The following ITPRID1 variants were observed in gnomAD, a reference collection of about 807,000 sequenced individuals.
ITPRID1 encodes protein ITPRID1.
In ITPRID1, 96 loss-of-function variants were observed where a neutral mutation model predicts 95.4. The ratio of observed to expected loss-of-function variants is 1.01; its 90% CI spans 0.85 to 1.19. ITPRID1 has a LOEUF of 1.19. Among genes scored for constraint, ITPRID1 ranks in the 50% most tolerant of loss-of-function variants. ITPRID1 has a pLI of 0.00. For missense variants in ITPRID1, 1,339 were observed against 1,252.9 expected, an observed-to-expected ratio of 1.07 and a Z score of -1.04; for synonymous variants, 510 against 453.6, an observed-to-expected ratio of 1.12 and a Z score of -1.58.
At chr7:31,580,869 TG>T (rs1785377996) in intron 9 of ITPRID1, among the ~76,000 whole-genome samples, 1 of 152,200 alleles carries the variant, frequency 6.6e-6, no homozygotes, top group Non-Finnish European at 1.5e-5. Context: ...TGTGAGAGAC[TG>T]TATGTGTATG....
chr7:31,585,765 T>A (rs1193209944), intron 10 of ITPRID1, among the ~76,000 whole-genome samples: 4 of 152,076 alleles, frequency 2.6e-5, no homozygotes, highest in African/African-American at 9.7e-5. Context: ...ATTTAGCAGT[T>A]CAAAAATCAG....
At chr7:31,647,732 G>A (rs1008903712) in intron 12 of ITPRID1, among the ~76,000 whole-genome samples, 35 of 149,224 alleles carry the variant, frequency 2.3e-4, no homozygotes, top group Non-Finnish European at 4.7e-4. Flanking sequence ...CAACGACGAC[G>A]ACAATGGGAG....
At chr7:31,647,940 A>T (rs983794728) in intron 12 of ITPRID1, among the ~76,000 whole-genome samples, 1 of 152,166 alleles carries the variant, frequency 6.6e-6, no homozygotes, top group Non-Finnish European at 1.5e-5. Flanking sequence ...TTTCACATAT[A>T]AGTGAGTTAT....
In ITPRID1 at chr7:31,654,363, G is replaced by A. The variant is rs1483855886; in HGVS notation, c.*1534G>A. 6.6e-6 allele frequency among the ~76,000 whole-genome samples: 1 copy of A among 152,016 alleles called. No individual in the cohort carries two copies. The highest frequency in any genetic ancestry group is 2.4e-5 in the African/African-American group (1 of 41,418). On this transcript the variant is annotated 3_prime_UTR_variant, in exon 15 of 15. Transcript: ENST00000615280. ...GGCATGGAGATGGAGGGAGGGGAAG[G>A]CTGAGAGGGGATCGGTCAGACTATA... is the stretch of plus-strand genomic sequence containing the variant.
At chr7:31,517,943 TGC>T (rs1783102304) in intron 1 of ITPRID1, 3 of 152,324 alleles carry the variant, frequency 2.0e-5, no homozygotes, top group Non-Finnish European at 4.4e-5. Flanking sequence ...GACAGAATAG[TGC>T]CTCCCCACAA....
At chr7:31,577,712 C>T in intron 8 of ITPRID1, 151 bp from the exon 9 acceptor site, 1 of 613,846 alleles carries the variant, frequency 1.6e-6, no homozygotes, top group Non-Finnish European at 2.8e-6. Context: ...ATAGTAATGG[C>T]ATATACTGAG....
At chr7:31,542,666 C>T (rs1160589474) in intron 1 of ITPRID1, among the ~76,000 whole-genome samples, 5 of 152,224 alleles carry the variant, frequency 3.3e-5, no homozygotes, top group Middle Eastern at 3.4e-3. Context: ...CCAATATTAA[C>T]GTTTCATTTA....
rs188686343 is a variant in ITPRID1, at chr7:31,556,253, A to T, written c.256+1352A>T. On this transcript the variant is annotated intron_variant, in intron 5 of 14. Transcript: ENST00000615280. ...GTGATATGGCTCCGAGATCAGAAAC[A>T]CAGTCTTGATTTGCCAGGTCCTTTA... Among the ~76,000 whole-genome samples the T allele has an allele frequency of 3.8e-3, 582 of 152,316 alleles. 5 individuals are homozygous for T. The highest frequency in any genetic ancestry group is 0.014 in the African/African-American group (567 of 41,576).
At chr7:31,577,159 C>A (rs959562998) in intron 8 of ITPRID1, among the ~76,000 whole-genome samples, 1 of 152,166 alleles carries the variant, frequency 6.6e-6, no homozygotes, top group African/African-American at 2.4e-5. Flanking sequence ...CTTCCTAAGT[C>A]TTGCTCGTTT....
chr7:31,532,978 T>A (rs1783648119), intron 1 of ITPRID1, among the ~76,000 whole-genome samples: 2 of 152,228 alleles, frequency 1.3e-5, no homozygotes, highest in Admixed American at 1.3e-4. Flanking sequence ...CTATAATTTG[T>A]TTTCTTGAAA....
intron 1 of ITPRID1, among the ~76,000 whole-genome samples, chr7:31,532,821 A>T (rs1783641756): frequency 6.6e-6 from 1 of 152,180 alleles, no homozygotes; most frequent in South Asian, 2.1e-4. Context: ...GCCATTCACA[A>T]CATCTCTGGG....
In ITPRID1 at chr7:31,654,041, G is replaced by T. The variant is rs1285777364; in HGVS notation, c.*1212G>T. On this transcript the variant is annotated 3_prime_UTR_variant, in exon 15 of 15. Coordinates refer to ENST00000615280, the MANE Select transcript of ITPRID1 (RefSeq NM_001257967.3). The stretch of plus-strand genomic sequence containing the variant: ...ACTTTCTACTCAGAAAGAGTTGGAT[G>T]AAGAGTAAGTCCAAAAAAAAAAAAA... Among the ~76,000 whole-genome samples the T allele has an allele frequency of 1.1e-5, 1 of 93,380 alleles. No homozygotes were observed. Among genetic ancestry groups the T allele is most frequent in the African/African-American group, 4.4e-5 (1 of 22,660 alleles). 61.3% of individuals were successfully genotyped at this position (93,380 alleles called of 152,430 possible).
At chr7:31,565,729 C>T (rs1294602934) in intron 5 of ITPRID1, among the ~76,000 whole-genome samples, 2 of 82,818 alleles carry the variant, frequency 2.4e-5, no homozygotes, top group Non-Finnish European at 5.3e-5. Context: ...CAGAGCAAGA[C>T]TCCATCTCAA....
intron 1 of ITPRID1, chr7:31,529,697 T>A (rs1053098597): frequency 2.2e-6 from 3 of 1,342,000 alleles, no homozygotes. Flanking sequence ...TCACAAGGGC[T>A]TTGTAGTCAG....
intron 10 of ITPRID1, among the ~76,000 whole-genome samples, chr7:31,615,295 ATTAC>A (rs1787101291): frequency 6.6e-6 from 1 of 152,158 alleles, no homozygotes; most frequent in Admixed American, 6.5e-5. Flanking sequence ...GGTCATAAGT[ATTAC>A]TTGTGTAATC....
At chr7:31,547,973 G>A (rs1191201985) in intron 1 of ITPRID1, among the ~76,000 whole-genome samples, 3 of 152,078 alleles carry the variant, frequency 2.0e-5, no homozygotes, top group Non-Finnish European at 2.9e-5. Flanking sequence ...GGTAGGAGTT[G>A]GAGAGGGATT....
chr7:31,592,747 T>C (rs972838371), intron 10 of ITPRID1, among the ~76,000 whole-genome samples: 1 of 152,196 alleles, frequency 6.6e-6, no homozygotes, highest in Non-Finnish European at 1.5e-5. Flanking sequence ...TCCTAGTGTA[T>C]GGCCCACTGC....
At position 31,571,153 on chromosome 7, in the gene ITPRID1, G is replaced by A. The variant is rs4360201; in HGVS notation, c.309-949G>A. ...AAGCAATTCGCTGCCTCAGCCTCCC[G>A]AGTAGCTGGGATTACAGGCACCTGC... On this transcript the variant is annotated intron_variant, in intron 6 of 14. Coordinates refer to ENST00000615280, the MANE Select transcript of ITPRID1 (RefSeq NM_001257967.3). Among the ~76,000 whole-genome samples, 450 of 152,038 alleles carry A rather than the reference G, an allele frequency of 3.0e-3. 1 individual carries two copies. Among genetic ancestry groups the A allele is most frequent in the African/African-American group, 0.01 (423 of 41,488 alleles).
intron 10 of ITPRID1, among the ~76,000 whole-genome samples, chr7:31,591,810 A>G (rs1785877174): frequency 6.6e-6 from 1 of 152,176 alleles, no homozygotes; most frequent in African/African-American, 2.4e-5. Flanking sequence ...TTTTTAATGT[A>G]TATATTATAC....
Sources: gnomAD v4.1 joint callset for allele counts (sites outside exome capture counted in the v4.1 genomes callset) on GRCh38, gnomAD v4.1.1 for gene constraint, MANE v1.5 for transcripts, NCBI Gene and HGNC (gene_info 2026-07-23, HGNC 2026-07-21) for gene names.